GLCE: variants seen among roughly 807,000 people sequenced by gnomAD.
GLCE encodes the protein D-glucuronyl C5-epimerase.
A neutral mutation model predicts 47.9 loss-of-function variants in GLCE; 19 were observed. The ratio of observed to expected loss-of-function variants is 0.40; its 90% confidence interval spans 0.28 to 0.58. The LOEUF is 0.58. GLCE is among the 20% of genes least tolerant of loss of function. The pLI, the probability that GLCE is intolerant of heterozygous loss-of-function variation, is 0.48. For missense variants in GLCE, 556 were observed against 743.3 expected (o/e 0.75, Z 2.93); for synonymous variants, 245 against 263.4 (o/e 0.93, Z 0.68).
At chr15:69,250,965 TC>T (rs1595782945) in intron 2 of GLCE, among the ~76,000 whole-genome samples, 2 of 152,298 alleles carry the variant, frequency 1.3e-5, no homozygotes, top group East Asian at 3.9e-4. Flanking sequence ...TTTTATCAAG[TC>T]CATTGTTGAA....
chr15:69,266,384 TG>T (rs1269548929), intron 4 of GLCE, among the ~76,000 whole-genome samples: 1 of 151,268 alleles, frequency 6.6e-6, no homozygotes, highest in Non-Finnish European at 1.5e-5. Flanking sequence ...AGAACAAGAG[TG>T]GTGTGATCAT....
intron 1 of GLCE, among the ~76,000 whole-genome samples, chr15:69,189,755 C>T (rs922628975): frequency 6.6e-6 from 1 of 152,098 alleles, no homozygotes; most frequent in African/African-American, 2.4e-5. Context: ...CTTCTGTGTA[C>T]TTCCCTTCAG....
chr15:69,198,977 C>T (rs1273197219), intron 1 of GLCE, among the ~76,000 whole-genome samples: 1 of 152,118 alleles, frequency 6.6e-6, no homozygotes, highest in Non-Finnish European at 1.5e-5. Context: ...GCCACCCGGT[C>T]CCCAAACTCT....
At chr15:69,262,360 T>C (rs1373178360) in intron 4 of GLCE, among the ~76,000 whole-genome samples, 2 of 152,238 alleles carry the variant, frequency 1.3e-5, no homozygotes, top group African/African-American at 4.8e-5. Context: ...CAGGTTTGGC[T>C]GAGTGAGAAA....
chr15:69,209,180 C>A (rs74246083), intron 1 of GLCE, among the ~76,000 whole-genome samples: 18,569 of 151,828 alleles, frequency 0.12, 1,196 homozygotes, highest in East Asian at 0.15. Context: ...AGAATGTTTG[C>A]ACTTACTTGT....
In GLCE at chr15:69,252,483, G is replaced by A. The variant is rs1445840736; in HGVS notation, c.-13-3311G>A. Among the ~76,000 whole-genome samples the A allele has an allele frequency of 8.5e-5, 13 of 152,274 alleles. 1 individual carries two copies. The Middle Eastern group carries it at 0.014, about 159-fold the overall frequency. On this transcript the variant is annotated intron_variant, in intron 2 of 4. Coordinates refer to ENST00000261858, the MANE Select transcript of GLCE (RefSeq NM_015554.3). ...ACTCATTCATCATCAAGGGGATGGC[G>A]CTAAGCCATTCAAGAGGGATGCACC...
chr15:69,165,648 T>C (rs2051492225), intron 1 of GLCE, among the ~76,000 whole-genome samples: 2 of 152,072 alleles, frequency 1.3e-5, no homozygotes, highest in Admixed American at 1.3e-4. Flanking sequence ...TGTTCATTCA[T>C]TCTCTTGTGT....
chr15:69,261,147 A>G lies in GLCE; in HGVS notation c.647A>G (p.Gln216Arg). The G allele has an allele frequency of 6.2e-7, 1 of 1,613,472 alleles. No homozygotes were observed. The highest frequency in any genetic ancestry group is 1.3e-5 in the African/African-American group (1 of 75,064). The change falls in exon 4 of 5, where the codon CAG becomes CGG. Residue 216 changes from glutamine to arginine, a missense_variant. Gln to Arg is a conservative substitution (Grantham distance 43). Transcript: ENST00000261858. ...QGYFYPIQIAQYGLSHYSKNL... is the reference protein window; with the variant it reads ...QGYFYPIQIARYGLSHYSKNL... ...TATTTCTATCCAATCCAGATTGCACAGTATGGATTAAGTCATTACAGCAAG... is the reference window on the plus strand; with the variant it reads ...TATTTCTATCCAATCCAGATTGCACGGTATGGATTAAGTCATTACAGCAAG...
chr15:69,218,174 A>C (rs767193742), intron 2 of GLCE, among the ~76,000 whole-genome samples: 31 of 150,238 alleles, frequency 2.1e-4, no homozygotes, highest in Non-Finnish European at 3.5e-4. Flanking sequence ...AAAAAAAGGA[A>C]ATTCACACTT....
chr15:69,239,547 T>C (rs1183295181), intron 2 of GLCE, among the ~76,000 whole-genome samples: 2 of 152,156 alleles, frequency 1.3e-5, no homozygotes, highest in Admixed American at 1.3e-4. Flanking sequence ...TCTGACTCCC[T>C]CTAACCCCAC....
At chr15:69,164,274 T>C (rs2051469624) in intron 1 of GLCE, among the ~76,000 whole-genome samples, 2 of 152,076 alleles carry the variant, frequency 1.3e-5, no homozygotes, top group Admixed American at 6.5e-5. Context: ...AAAGTGTCTT[T>C]TGAATTATCA....
At chr15:69,251,574 G>A (rs1416466962) in intron 2 of GLCE, among the ~76,000 whole-genome samples, 2 of 152,206 alleles carry the variant, frequency 1.3e-5, no homozygotes, top group African/African-American at 4.8e-5. Context: ...GCACAACAGA[G>A]TATTTTATTT....
intron 4 of GLCE, among the ~76,000 whole-genome samples, chr15:69,264,362 A>ATGTGTGTGTGTATACACACATGTG (rs1555408272): frequency 2.6e-5 from 4 of 152,012 alleles, no homozygotes; most frequent in African/African-American, 9.6e-5. Flanking sequence ...TTCTATAGGT[A>ATGTGTGTGTGTATACACACATGTG]TGTGTGTGTG....
At chr15:69,260,779 A>G in intron 3 of GLCE, 1 of 278,984 alleles carries the variant, frequency 3.6e-6, no homozygotes, top group South Asian at 8.5e-5. Context: ...CAGGATTATG[A>G]AACATGACAT....
intron 1 of GLCE, among the ~76,000 whole-genome samples, chr15:69,188,481 A>T (rs1052880446): frequency 2.0e-5 from 3 of 152,298 alleles, no homozygotes; most frequent in African/African-American, 7.2e-5. Context: ...TTTTAGAATT[A>T]GTATTATTTC....
At chr15:69,177,389 A>C (rs1053825884) in intron 1 of GLCE, among the ~76,000 whole-genome samples, 1 of 152,134 alleles carries the variant, frequency 6.6e-6, no homozygotes, top group African/African-American at 2.4e-5. Context: ...TGATGAATAT[A>C]AAAGAAGTTA....
At chr15:69,227,658 G>A (rs1337276713) in intron 2 of GLCE, among the ~76,000 whole-genome samples, 5 of 152,140 alleles carry the variant, frequency 3.3e-5, no homozygotes, top group Non-Finnish European at 7.4e-5. Flanking sequence ...CAGCAAACTT[G>A]GGCATATATG....
At chr15:69,264,067 T>C (rs2053050947) in intron 4 of GLCE, among the ~76,000 whole-genome samples, 1 of 152,172 alleles carries the variant, frequency 6.6e-6, no homozygotes, top group African/African-American at 2.4e-5. Context: ...TACAATACAG[T>C]ATTATAAGCT....
At chr15:69,226,423 T>C (rs1183664313) in intron 2 of GLCE, among the ~76,000 whole-genome samples, 8 of 152,192 alleles carry the variant, frequency 5.3e-5, no homozygotes, top group Non-Finnish European at 1.2e-4. Context: ...GTCCTACAAG[T>C]GTACAAATGT....
Sources: gnomAD v4.1 joint callset for allele counts (sites outside exome capture counted in the v4.1 genomes callset) on GRCh38, gnomAD v4.1.1 for gene constraint, MANE v1.5 for transcripts, NCBI Gene and HGNC (gene_info 2026-07-23, HGNC 2026-07-21) for gene names.